The following EYA3 variants were observed in gnomAD, a reference collection of about 807,000 sequenced individuals.
EYA3 encodes protein phosphatase EYA3.
A neutral mutation model predicts 80.0 loss-of-function variants in EYA3; 39 were observed. The observed-to-expected ratio is 0.49, with a 90% CI of 0.38 to 0.64. EYA3 has a LOEUF of 0.64. Among genes scored for constraint, EYA3 ranks in the 30% least tolerant of loss-of-function variants. EYA3 has a pLI of 0.00. For missense variants in EYA3, 523 were observed against 676.1 expected (o/e 0.77, Z 2.51); for synonymous variants, 206 against 232.8 (o/e 0.88, Z 1.05).
intron 1 of EYA3, among the ~76,000 whole-genome samples, chr1:28,084,587 ATATATATATTTTTTTTTTTTTTTTTT>A (rs1171364761): frequency 7.5e-3 from 128 of 16,996 alleles, no homozygotes; most frequent in African/African-American, 0.033. Context: ...ATATATATAT[ATATATATATTTTTTTTTTTTTTTTTT>A]TTTTTTTTTT....
chr1:27,983,638 C>T (rs1292361925), intron 16 of EYA3, among the ~76,000 whole-genome samples: 1 of 152,144 alleles, frequency 6.6e-6, no homozygotes, highest in Non-Finnish European at 1.5e-5. Flanking sequence ...TACTGATTTG[C>T]AGGAATTCTT....
At chr1:28,048,954 C>T (rs1332131019) in intron 2 of EYA3, among the ~76,000 whole-genome samples, 3 of 152,050 alleles carry the variant, frequency 2.0e-5, no homozygotes, top group African/African-American at 4.8e-5. Context: ...GGAGAAGGCA[C>T]TTCCATTGAA....
chr1:28,082,032 C>T (rs780691899), intron 1 of EYA3, among the ~76,000 whole-genome samples: 4 of 152,036 alleles, frequency 2.6e-5, no homozygotes, highest in Non-Finnish European at 5.9e-5. Context: ...TAAATATCAA[C>T]AAGTATTATC....
intron 1 of EYA3, among the ~76,000 whole-genome samples, chr1:28,084,050 T>C (rs1216729975): frequency 1.3e-5 from 2 of 152,208 alleles, no homozygotes; most frequent in Non-Finnish European, 2.9e-5. Context: ...TGTAGTAAGA[T>C]CTTCACGATA....
rs1385098711 is a variant in EYA3 at position 28,013,425 on chromosome 1, T to C, written c.586-131A>G. The C allele has an allele frequency of 1.3e-6, 1 of 780,030 alleles. No homozygotes were observed. Among genetic ancestry groups the C allele is most frequent in the African/African-American group, 1.8e-5 (1 of 57,114 alleles). 48.3% of individuals were successfully genotyped at this position (780,030 alleles called of 1,614,324 possible). A position where few individuals can be genotyped will look rare whatever the true frequency, so the allele number is the denominator to read the frequency against. On this transcript the variant is annotated intron_variant, in intron 8 of 17. Coordinates refer to ENST00000373871, the MANE Select transcript of EYA3 (RefSeq NM_001990.4). The surrounding 1 kb of genome is among the most constrained non-coding windows in gnomAD (Gnocchi z 4.0). ...ACATTAATTTGACTTCTCATTTACC[T>C]ACCTAAAAGTCTCCAATCTAAATCA...
chr1:28,072,873 C>T (rs1645062956), intron 1 of EYA3, among the ~76,000 whole-genome samples: 1 of 151,544 alleles, frequency 6.6e-6, no homozygotes, highest in Non-Finnish European at 1.5e-5. Flanking sequence ...CTGCAGTATA[C>T]CCATACAATG....
In EYA3 at chr1:28,076,076, C is replaced by T. The variant is rs139008653; in HGVS notation, c.-69+12448G>A. Among the ~76,000 whole-genome samples the T allele has an allele frequency of 6.4e-3, 973 of 152,248 alleles. 9 individuals carry two copies. The highest frequency in any genetic ancestry group is 0.022 in the African/African-American group (900 of 41,550). On this transcript the variant is annotated intron_variant, in intron 1 of 17. Coordinates refer to ENST00000373871, the MANE Select transcript of EYA3 (RefSeq NM_001990.4). The stretch of plus-strand genomic sequence containing the variant: ...CTTTCAGCTCTCATAACTTAGGCAA[C>T]AGCACAAATCACATTTCTGTAACCA...
At chr1:28,067,876 G>C (rs1004316737) in intron 1 of EYA3, among the ~76,000 whole-genome samples, 7 of 152,164 alleles carry the variant, frequency 4.6e-5, no homozygotes, top group African/African-American at 1.7e-4. Flanking sequence ...AAAGGATAGA[G>C]TATCACAGAT....
chr1:27,991,486 T>C (rs1640059586), intron 14 of EYA3, among the ~76,000 whole-genome samples: 1 of 152,206 alleles, frequency 6.6e-6, no homozygotes, highest in Non-Finnish European at 1.5e-5. Flanking sequence ...AGTTAAAATA[T>C]TCAAGCAGTA....
intron 11 of EYA3, among the ~76,000 whole-genome samples, chr1:28,000,865 C>A (rs369711637): frequency 6.1e-4 from 93 of 152,236 alleles, no homozygotes; most frequent in African/African-American, 2.2e-3. Context: ...GAGTTTGAGA[C>A]TAGCCTGGGC....
At chr1:27,977,434 G>A (rs761556893) in intron 17 of EYA3, 57 of 1,522,318 alleles carry the variant, frequency 3.7e-5, no homozygotes, top group African/African-American at 6.9e-5. Flanking sequence ...AACTTCTACA[G>A]ATCCATTTAG....
intron 12 of EYA3, among the ~76,000 whole-genome samples, chr1:27,997,961 G>C (rs1277707019): frequency 6.6e-6 from 1 of 152,124 alleles, no homozygotes; most frequent in Non-Finnish European, 1.5e-5. Context: ...CATACAATTA[G>C]TGAGTGGCAG....
intron 1 of EYA3, among the ~76,000 whole-genome samples, chr1:28,083,006 C>T (rs965958105): frequency 6.6e-6 from 1 of 152,060 alleles, no homozygotes; most frequent in Non-Finnish European, 1.5e-5. Context: ...GGTTCCTAAC[C>T]AAAAGCAGTA....
At chr1:27,988,795 G>T (rs1308761251) in intron 15 of EYA3, 139 bp from the exon 16 acceptor site, 6 of 842,146 alleles carry the variant, frequency 7.1e-6, no homozygotes, top group Non-Finnish European at 1.1e-5. Context: ...CAGAGCCAAT[G>T]TTCAGCTACT....
intron 3 of EYA3, among the ~76,000 whole-genome samples, chr1:28,045,028 T>A (rs1296711070): frequency 6.6e-6 from 1 of 152,192 alleles, no homozygotes; most frequent in Admixed American, 6.5e-5. Flanking sequence ...CACCTCAGCA[T>A]CCAAAGTGCT....
chr1:28,048,938 T>C (rs1042557264), intron 2 of EYA3, among the ~76,000 whole-genome samples: 1 of 152,220 alleles, frequency 6.6e-6, no homozygotes, highest in East Asian at 1.9e-4. Context: ...TTCTATTTCC[T>C]TCTGGGGAGA....
chr1:28,003,423 C>T (rs12145692), intron 11 of EYA3, among the ~76,000 whole-genome samples: 2,803 of 152,118 alleles, frequency 0.018, 33 homozygotes, highest in Non-Finnish European at 0.027. Context: ...GAGCAGAGAT[C>T]ATGCTACTGT....
At chr1:28,014,979 T>C (rs1363474066) in intron 8 of EYA3, among the ~76,000 whole-genome samples, 4 of 152,184 alleles carry the variant, frequency 2.6e-5, no homozygotes, top group African/African-American at 4.8e-5. Flanking sequence ...TAATTAGTCA[T>C]TGGGTATCTC....
rs189563417 is a variant in EYA3 at position 28,080,836 on chromosome 1, C to T, written c.-69+7688G>A. ...CGTGGTCTCGGCTCACTGCAACCTCCGCCTCCTGGGTTTAAGCGATTCTCC... is the reference window on the plus strand; with the variant it reads ...CGTGGTCTCGGCTCACTGCAACCTCTGCCTCCTGGGTTTAAGCGATTCTCC... On this transcript the variant is annotated intron_variant, in intron 1 of 17. Coordinates refer to ENST00000373871, the MANE Select transcript of EYA3 (RefSeq NM_001990.4). Among the ~76,000 whole-genome samples the T allele has an allele frequency of 4.8e-3, 728 of 152,152 alleles. 10 individuals carry two copies. Among genetic ancestry groups the T allele is most frequent in the African/African-American group, 0.016 (685 of 41,522 alleles).
Sources: allele counts gnomAD v4.1 joint callset (sites outside exome capture counted in the v4.1 genomes callset), GRCh38; gene constraint gnomAD v4.1.1; non-coding constraint Gnocchi (gnomAD v3.1); transcripts MANE v1.5; gene names NCBI Gene and HGNC (gene_info 2026-07-23, HGNC 2026-07-21).